Variants in HECW1 observed in about 807,000 individuals in gnomAD.
The protein encoded by HECW1 is HECT, C2 and WW domain containing E3 ubiquitin protein ligase 1, also known as E3 ubiquitin-protein ligase HECW1.
HECW1 carries 61 observed loss-of-function variants against 182.3 expected under a neutral mutation model. The ratio of observed to expected loss-of-function variants is 0.33; its 90% CI spans 0.27 to 0.41. HECW1 has a LOEUF of 0.41. HECW1 is among the 10% of genes least tolerant of loss of function. The pLI, the probability that HECW1 is intolerant of heterozygous loss-of-function variation, is 1.00. For synonymous variants in HECW1, 859 were observed against 832.6 expected, an observed-to-expected ratio of 1.03 and a Z score of -0.55; for missense variants, 1,739 against 2,108.9, an observed-to-expected ratio of 0.82 and a Z score of 3.44.
intron 12 of HECW1, among the ~76,000 whole-genome samples, chr7:43,455,085 G>T (rs1039080993): frequency 6.6e-6 from 1 of 152,022 alleles, no homozygotes; most frequent in Admixed American, 6.5e-5. Context: ...GCCCCTGCCT[G>T]TATTATGTAG....
intron 2 of HECW1, among the ~76,000 whole-genome samples, chr7:43,134,881 T>G (rs1292339461): frequency 6.6e-6 from 1 of 152,226 alleles, no homozygotes; most frequent in Non-Finnish European, 1.5e-5. Flanking sequence ...TAATCTGGAT[T>G]GTTTTTCTAC....
At chr7:43,127,752 G>T (rs1173993411) in intron 2 of HECW1, among the ~76,000 whole-genome samples, 1 of 152,096 alleles carries the variant, frequency 6.6e-6, no homozygotes, top group African/African-American at 2.4e-5. Flanking sequence ...TTAGGTTTAA[G>T]GAAAGACACT....
chr7:43,121,251 G>A (rs1436559849), intron 2 of HECW1, among the ~76,000 whole-genome samples: 1 of 152,180 alleles, frequency 6.6e-6, no homozygotes, highest in African/African-American at 2.4e-5. Flanking sequence ...TCACTTAGTT[G>A]TTGTTATTGT....
chr7:43,358,087 G>T (rs1815393343), intron 5 of HECW1, among the ~76,000 whole-genome samples: 1 of 152,100 alleles, frequency 6.6e-6, no homozygotes. Context: ...ATCTAGTAGT[G>T]CCCGTTTGGG....
At chr7:43,259,750 A>G (rs1020051935) in intron 3 of HECW1, among the ~76,000 whole-genome samples, 2 of 152,218 alleles carry the variant, frequency 1.3e-5, no homozygotes, top group African/African-American at 4.8e-5. Flanking sequence ...AAGAATGGTT[A>G]ATAGAAATTA....
chr7:43,212,787 T>G (rs1796112552), intron 2 of HECW1, among the ~76,000 whole-genome samples: 1 of 152,256 alleles, frequency 6.6e-6, no homozygotes, highest in Non-Finnish European at 1.5e-5. Flanking sequence ...ATTTCTAATA[T>G]TCTTTAAAAT....
chr7:43,515,146 G>A (rs1368154665), intron 24 of HECW1, among the ~76,000 whole-genome samples: 1 of 152,184 alleles, frequency 6.6e-6, no homozygotes, highest in Non-Finnish European at 1.5e-5. Context: ...ATTCTAGATG[G>A]AGGGCCCAGC....
At chr7:43,438,175 C>T in intron 9 of HECW1, 30 bp downstream of exon 9, 3 of 1,601,550 alleles carry the variant, frequency 1.9e-6, no homozygotes, top group Non-Finnish European at 2.6e-6. Context: ...CTTACTATCA[C>T]TAGGTTCCCA....
chr7:43,234,613 G>A (rs1191175997), intron 2 of HECW1, among the ~76,000 whole-genome samples: 1 of 151,930 alleles, frequency 6.6e-6, no homozygotes, highest in Non-Finnish European at 1.5e-5. Flanking sequence ...AGCTTTTCCT[G>A]GAGACCCAGG....
chr7:43,210,414 A>G (rs932407561), intron 2 of HECW1, among the ~76,000 whole-genome samples: 3 of 151,612 alleles, frequency 2.0e-5, no homozygotes, highest in Non-Finnish European at 4.4e-5. Flanking sequence ...TGCCTGGGCC[A>G]CTGATAGAAG....
intron 26 of HECW1, among the ~76,000 whole-genome samples, chr7:43,547,051 CTCT>C (rs1261816279): frequency 6.6e-6 from 1 of 152,204 alleles, no homozygotes; most frequent in Admixed American, 6.5e-5. Flanking sequence ...CGAGCTGCTT[CTCT>C]TCTTATCTTG....
chr7:43,554,811 T>C, intron 29 of HECW1, 21 bp downstream of exon 29: 8 of 1,607,046 alleles, frequency 5.0e-6, no homozygotes, highest in Non-Finnish European at 6.8e-6. Flanking sequence ...CCTGCCAGCC[T>C]TCGGGGAAAC....
At position 43,546,918 on chromosome 7, in the gene HECW1, G is replaced by T. The variant is rs182486552; in HGVS notation, c.4249-3527G>T. On this transcript the variant is annotated intron_variant, in intron 26 of 29. Transcript: ENST00000395891. Reference sequence around the variant, plus strand: ...TCCTTACTAATAAGGGACCTTTGTGGTGCTTTTTTTCCAGAACGGGGCACT... The same window carrying T: ...TCCTTACTAATAAGGGACCTTTGTGTTGCTTTTTTTCCAGAACGGGGCACT... Among the ~76,000 whole-genome samples, 50 of 152,222 alleles carry T rather than the reference G, an allele frequency of 3.3e-4. No individual in the cohort carries two copies. In the East Asian group the frequency reaches 8.9e-3, roughly 27 times the overall value.
At chr7:43,318,979 G>A (rs1301327073) in intron 4 of HECW1, among the ~76,000 whole-genome samples, 2 of 152,258 alleles carry the variant, frequency 1.3e-5, no homozygotes, top group South Asian at 2.1e-4. Flanking sequence ...CCACATCCCT[G>A]TCTTAGTCTG....
chr7:43,465,048 C>T (rs1380734452), intron 14 of HECW1, among the ~76,000 whole-genome samples: 3 of 152,014 alleles, frequency 2.0e-5, no homozygotes, highest in Admixed American at 6.5e-5. Context: ...GTGATCCTCC[C>T]GCCTCAGCCT....
intron 6 of HECW1, among the ~76,000 whole-genome samples, chr7:43,394,546 A>G (rs1240473629): frequency 6.6e-6 from 1 of 152,162 alleles, no homozygotes; most frequent in Non-Finnish European, 1.5e-5. Context: ...TGGGGTTTAT[A>G]TATCAGGGAA....
rs1370207642 is a variant in HECW1 at position 43,252,457 on chromosome 7, C to T, written c.27+8525C>T. Among the ~76,000 whole-genome samples, 4 of 152,346 alleles carry T rather than the reference C, an allele frequency of 2.6e-5. 1 individual carries two copies. Among genetic ancestry groups the T allele is most frequent in the Middle Eastern group, 6.8e-3 (2 of 294 alleles). On this transcript the variant is annotated intron_variant, in intron 3 of 29. Coordinates refer to ENST00000395891, the MANE Select transcript of HECW1 (RefSeq NM_015052.5). Reference sequence around the variant, plus strand: ...AACTCCAGAGCCCACTCCAGAAATGCTGAATCAATATCTGCACTTTAATAA... The same window carrying T: ...AACTCCAGAGCCCACTCCAGAAATGTTGAATCAATATCTGCACTTTAATAA...
chr7:43,293,338 A>C (rs1436905819), intron 3 of HECW1, among the ~76,000 whole-genome samples: 2 of 152,174 alleles, frequency 1.3e-5, no homozygotes, highest in African/African-American at 4.8e-5. Flanking sequence ...CTTGGGTTCA[A>C]ATACCCCCTA....
intron 2 of HECW1, among the ~76,000 whole-genome samples, chr7:43,231,941 G>A (rs1797914825): frequency 2.7e-5 from 4 of 148,538 alleles, no homozygotes; most frequent in African/African-American, 5.0e-5. Context: ...AGAATGGCGT[G>A]AACCCGGGAG....
Sources: gnomAD v4.1 joint callset for allele counts (sites outside exome capture counted in the v4.1 genomes callset) on GRCh38, gnomAD v4.1.1 for gene constraint, MANE v1.5 for transcripts, NCBI Gene and HGNC (gene_info 2026-07-23, HGNC 2026-07-21) for gene names.